The following SLCO6A1 variants were observed in gnomAD, a reference collection of about 807,000 sequenced individuals.
The protein encoded by SLCO6A1 is solute carrier organic anion transporter family member 6A1, also known as cancer/testis antigen 48.
Under a neutral mutation model 72.7 loss-of-function variants are expected in SLCO6A1, and 65 were observed. That is an observed-to-expected ratio of 0.89 (90% CI 0.73 to 1.10). The LOEUF is 1.10. SLCO6A1 is among the 50% of genes least tolerant of loss of function. SLCO6A1 has a pLI of 0.00. For missense variants in SLCO6A1, 874 were observed against 872.6 expected, an observed-to-expected ratio of 1.00 and a Z score of -0.02; for synonymous variants, 314 against 298.2, an observed-to-expected ratio of 1.05 and a Z score of -0.55.
In SLCO6A1 at chr5:102,417,464, A is replaced by G. The variant is rs1378292361; in HGVS notation, c.1472+2362T>C. 6.6e-5 allele frequency among the ~76,000 whole-genome samples: 10 copies of G among 151,744 alleles called. No individual in the cohort carries two copies. In the South Asian group the frequency reaches 2.1e-3, roughly 32 times the overall value. ...GGGATTAAATATCTATTTTTTAATAATTTCATTTTAACTATGTTGATTTAT... is the reference window on the plus strand; with the variant it reads ...GGGATTAAATATCTATTTTTTAATAGTTTCATTTTAACTATGTTGATTTAT... On this transcript the variant is annotated intron_variant, in intron 8 of 13. Coordinates refer to ENST00000506729, the MANE Select transcript of SLCO6A1 (RefSeq NM_173488.5).
rs768484404 is a variant in SLCO6A1 at position 102,498,487 on chromosome 5, C to A, written c.358G>T (p.Gly120Cys). The A allele has an allele frequency of 5.0e-6, 8 of 1,610,272 alleles. No individual in the cohort carries two copies. In the African/African-American group the frequency reaches 1.1e-4, roughly 22 times the overall value. ...IFYCILLICQ[G>C]VVFGLIDVSI... ...AACAAACCGCCTCCTTCAGGCTCACCTTGACATATGAGCAGGATGCAGTAG... is the reference window on the plus strand; with the variant it reads ...AACAAACCGCCTCCTTCAGGCTCACATTGACATATGAGCAGGATGCAGTAG... Residue 120 changes from glycine (G) to cysteine (C), a missense_variant and splice_region_variant, in exon 1 of 14, where the codon GGT (glycine) becomes TGT (cysteine). Physicochemically the swap from Gly to Cys is radical, Grantham distance 159. Coordinates refer to ENST00000506729, the MANE Select transcript of SLCO6A1 (RefSeq NM_173488.5).
intron 7 of SLCO6A1, among the ~76,000 whole-genome samples, chr5:102,424,508 G>A (rs1748784089): frequency 6.6e-6 from 1 of 151,964 alleles, no homozygotes; most frequent in East Asian, 1.9e-4. Context: ...TGCAAATAAA[G>A]TAGAAAATCG....
chr5:102,392,549 G>A lies in SLCO6A1; in HGVS notation c.1815-1504C>T, dbSNP rs1746824186. On this transcript the variant is annotated intron_variant, in intron 10 of 13. Coordinates refer to ENST00000506729, the MANE Select transcript of SLCO6A1 (RefSeq NM_173488.5). ...GTATTTATGTATCTTCAGTTTGATT[G>A]CCACCCTCTTTCTAACATACAAAAC... 3.3e-5 allele frequency among the ~76,000 whole-genome samples: 5 copies of A among 152,006 alleles called. No individual in the cohort carries two copies. In the South Asian group the frequency reaches 1.0e-3, roughly 32 times the overall value.
chr5:102,444,733 A>C (rs1750016915), intron 6 of SLCO6A1, among the ~76,000 whole-genome samples: 1 of 152,216 alleles, frequency 6.6e-6, no homozygotes, highest in African/African-American at 2.4e-5. Flanking sequence ...CCTAAATACA[A>C]GTGAGAACTA....
intron 1 of SLCO6A1, 126 bp from the exon 2 acceptor site, chr5:102,480,560 C>G: frequency 1.1e-6 from 1 of 950,590 alleles, no homozygotes; most frequent in Non-Finnish European, 1.5e-6. Flanking sequence ...TGTTTAAAAG[C>G]TATAAGCAAG....
chr5:102,498,384 T>C (rs1561509354), intron 1 of SLCO6A1, 103 bp downstream of exon 1: 5 of 1,145,410 alleles, frequency 4.4e-6, no homozygotes, highest in Non-Finnish European at 5.0e-6. Flanking sequence ...CCCCAGGGCA[T>C]GCTGGGCCAC....
intron 1 of SLCO6A1, among the ~76,000 whole-genome samples, chr5:102,486,087 C>G (rs536593011): frequency 1.3e-5 from 2 of 152,150 alleles, no homozygotes; most frequent in Non-Finnish European, 2.9e-5. Flanking sequence ...TAAGTTGTCT[C>G]TATTTATGAT....
intron 1 of SLCO6A1, among the ~76,000 whole-genome samples, chr5:102,495,724 G>A (rs1315281063): frequency 6.6e-6 from 1 of 151,934 alleles, no homozygotes; most frequent in Admixed American, 6.6e-5. Flanking sequence ...GAATTTTATT[G>A]TACATAAATT....
At chr5:102,398,240 A>G (rs1053494762) in intron 10 of SLCO6A1, among the ~76,000 whole-genome samples, 4 of 151,910 alleles carry the variant, frequency 2.6e-5, no homozygotes, top group African/African-American at 4.8e-5. Context: ...GTGCAGTGGC[A>G]TGGATCTTGG....
At chr5:102,495,085 C>A (rs2112872416) in intron 1 of SLCO6A1, among the ~76,000 whole-genome samples, 1 of 152,208 alleles carries the variant, frequency 6.6e-6, no homozygotes, top group South Asian at 2.1e-4. Flanking sequence ...TTAATACACA[C>A]AAAAACATGA....
chr5:102,380,148 T>A (rs1746030293), intron 12 of SLCO6A1, among the ~76,000 whole-genome samples: 1 of 151,994 alleles, frequency 6.6e-6, no homozygotes, highest in South Asian at 2.1e-4. Context: ...TGTGTTCAAT[T>A]TATAAAAAAA....
chr5:102,476,253 C>A (rs950382674), intron 3 of SLCO6A1, among the ~76,000 whole-genome samples: 21 of 151,968 alleles, frequency 1.4e-4, no homozygotes, highest in African/African-American at 5.1e-4. Context: ...CTTCAAAAAA[C>A]AAAGACATAG....
chr5:102,459,612 G>T, intron 5 of SLCO6A1, 44 bp downstream of exon 5: 1 of 1,532,712 alleles, frequency 6.5e-7, no homozygotes, highest in South Asian at 1.3e-5. Flanking sequence ...CATGGTGGAA[G>T]AAACTACTAT....
At chr5:102,452,460 T>G (rs1750468706) in intron 6 of SLCO6A1, among the ~76,000 whole-genome samples, 1 of 152,192 alleles carries the variant, frequency 6.6e-6, no homozygotes, top group Non-Finnish European at 1.5e-5. Flanking sequence ...GTTCTAAAAG[T>G]CTAATTCCAA....
At chr5:102,389,670 A>G (rs753161711) in intron 11 of SLCO6A1, among the ~76,000 whole-genome samples, 1 of 151,678 alleles carries the variant, frequency 6.6e-6, no homozygotes, top group Non-Finnish European at 1.5e-5. Flanking sequence ...ACTACTATTC[A>G]TTTTTTCCAT....
At chr5:102,403,338 AACTTAAATTTTGTT>A (rs1747499878) in intron 9 of SLCO6A1, among the ~76,000 whole-genome samples, 2 of 152,156 alleles carry the variant, frequency 1.3e-5, no homozygotes. Context: ...GTACAGTGCT[AACTTAAATTTTGTT>A]ACTTTTCATT....
intron 12 of SLCO6A1, among the ~76,000 whole-genome samples, chr5:102,386,441 A>T (rs1746422100): frequency 6.6e-6 from 1 of 152,132 alleles, no homozygotes; most frequent in Non-Finnish European, 1.5e-5. Context: ...AGGGGCCAGG[A>T]CTGCATTGGG....
chr5:102,383,146 A>G (rs1746220219), intron 12 of SLCO6A1, among the ~76,000 whole-genome samples: 1 of 149,088 alleles, frequency 6.7e-6, no homozygotes, highest in Non-Finnish European at 1.5e-5. Context: ...ATTTGCAAAG[A>G]GAAACTATTT....
chr5:102,382,722 GTCTA>G (rs1561414339), intron 12 of SLCO6A1, among the ~76,000 whole-genome samples: 1 of 150,650 alleles, frequency 6.6e-6, no homozygotes, highest in African/African-American at 2.4e-5. Flanking sequence ...ATTTATTTCT[GTCTA>G]TCTCTTTTTT....
Sources: allele counts gnomAD v4.1 joint callset (sites outside exome capture counted in the v4.1 genomes callset), GRCh38; gene constraint gnomAD v4.1.1; transcripts MANE v1.5; gene names NCBI Gene and HGNC (gene_info 2026-07-23, HGNC 2026-07-21).